The following EED variants were observed in gnomAD, a reference collection of about 807,000 sequenced individuals.
EED encodes polycomb protein EED.
In EED, 9 loss-of-function variants were observed where a neutral mutation model predicts 61.0. The ratio of observed to expected loss-of-function variants is 0.15; its 90% confidence interval spans 0.09 to 0.26. EED has a LOEUF of 0.26. Among genes scored for constraint, EED ranks in the 10% least tolerant of loss-of-function variants. The probability of loss-of-function intolerance (pLI) is 1.00; values close to 1 mark genes in which losing one functional copy is unlikely to be tolerated. For synonymous variants in EED, 187 were observed against 174.4 expected (o/e 1.07, Z -0.57); for missense variants, 315 against 542.3 (o/e 0.58, Z 4.16).
intron 1 of EED, 78 bp from the exon 2 acceptor site, chr11:86,250,218 C>A: frequency 7.8e-7 from 1 of 1,276,974 alleles, no homozygotes; most frequent in Non-Finnish European, 1.0e-6. Context: ...GGTCAGTCAG[C>A]ATCTTCCCAG....
the EED span, among the ~76,000 whole-genome samples, chr11:86,286,007 G>C: frequency 4.4e-4 from 66 of 151,420 alleles, no homozygotes; most frequent in African/African-American, 1.5e-3. Flanking sequence ...GTTCTTACCA[G>C]GGGAGTGGAA....
At chr11:86,276,493 G>T (rs1946233676) in intron 9 of EED, 1 of 152,158 alleles carries the variant, frequency 6.6e-6, no homozygotes, top group Admixed American at 6.6e-5. Flanking sequence ...ACTGGATGAA[G>T]GAATAATAGT....
the EED span, chr11:86,284,812 G>A: frequency 6.6e-6 from 1 of 152,304 alleles, no homozygotes; most frequent in East Asian, 1.9e-4. Flanking sequence ...AGTGCAAAAT[G>A]AAAAGGCAAA....
chr11:86,282,365 T>C (rs1400068410), downstream of EED, among the ~76,000 whole-genome samples: 1 of 152,244 alleles, frequency 6.6e-6, no homozygotes, highest in Admixed American at 6.5e-5. Flanking sequence ...ATTGTTTATA[T>C]GCTGCATTTT....
chr11:86,285,720 C>T, the EED span, among the ~76,000 whole-genome samples: 2 of 152,150 alleles, frequency 1.3e-5, no homozygotes, highest in African/African-American at 2.4e-5. Context: ...GCCTCAGCCT[C>T]CTGAGTAGCT....
In EED at chr11:86,244,892, A is replaced by C; in HGVS notation, c.-338A>C. The C allele has an allele frequency of 3.9e-6, 1 of 256,628 alleles. No homozygotes were observed. Among genetic ancestry groups the C allele is most frequent in the East Asian group, 6.0e-5 (1 of 16,770 alleles). 15.9% of individuals were successfully genotyped at this position (256,628 alleles called of 1,614,324 possible). A position where few individuals can be genotyped will look rare whatever the true frequency, so the allele number is the denominator to read the frequency against. ...GCCTCTTCTCGAGGCGGTGGTGGGA[A>C]GGGAGACATACTTAATACTGCCCTC... On this transcript the variant is annotated 5_prime_UTR_variant, in exon 1 of 12. Transcript: ENST00000263360.
At chr11:86,249,659 A>G (rs999679516) in intron 1 of EED, among the ~76,000 whole-genome samples, 5 of 140,456 alleles carry the variant, frequency 3.6e-5, no homozygotes, top group East Asian at 4.0e-4. Flanking sequence ...GTTCTGATTT[A>G]TGAGTATTAT....
chr11:86,281,890 C>A (rs1946328392), downstream of EED, among the ~76,000 whole-genome samples: 1 of 152,166 alleles, frequency 6.6e-6, no homozygotes, highest in Admixed American at 6.5e-5. Flanking sequence ...ATATTTCTTA[C>A]ACAGTGTCTT....
chr11:86,260,122 T>C (rs1028948268), intron 6 of EED, among the ~76,000 whole-genome samples: 12 of 152,254 alleles, frequency 7.9e-5, no homozygotes, highest in African/African-American at 2.9e-4. Flanking sequence ...TTCACATGTA[T>C]TACTACCTCT....
Position 86,264,229 on chromosome 11 carries a change from G to A in EED, c.692G>A (p.Gly231Asp). ...QTDTLVAIFG[G>D]VEGHRDEVLS... The stretch of plus-strand genomic sequence containing the variant: ...GACACTCTGGTGGCAATATTTGGAG[G>A]CGTAGAAGGGCACAGAGATGAAGTT... Residue 231 changes from glycine to aspartate, a missense_variant, in exon 7 of 12, where the codon GGC (glycine) becomes GAC (aspartate). Coordinates refer to ENST00000263360, the MANE Select transcript of EED (RefSeq NM_003797.5). The A allele has an allele frequency of 6.2e-7, 1 of 1,614,012 alleles. No individual in the cohort carries two copies. Among genetic ancestry groups the A allele is most frequent in the Non-Finnish European group, 8.5e-7 (1 of 1,179,972 alleles).
chr11:86,262,088 C>G (rs576749415), intron 6 of EED, among the ~76,000 whole-genome samples: 1 of 152,134 alleles, frequency 6.6e-6, no homozygotes, highest in African/African-American at 2.4e-5. Context: ...TGCTATGTTG[C>G]CCAGGCTGGT....
intron 9 of EED, among the ~76,000 whole-genome samples, chr11:86,269,820 C>T (rs1179065455): frequency 1.3e-5 from 2 of 152,098 alleles, no homozygotes; most frequent in Admixed American, 6.6e-5. Context: ...CAGGTTGTTG[C>T]CTGTATCAGT....
At chr11:86,265,995 G>A in intron 7 of EED, 88 bp from the exon 8 acceptor site, 1 of 1,157,394 alleles carries the variant, frequency 8.6e-7, no homozygotes, top group Non-Finnish European at 1.2e-6. Context: ...TTGAAATACA[G>A]TTTTCACTAT....
intron 7 of EED, chr11:86,265,187 C>T (rs1283148770): frequency 6.6e-6 from 1 of 152,124 alleles, no homozygotes; most frequent in Non-Finnish European, 1.5e-5. Flanking sequence ...AGAAGTACCA[C>T]AACTGTGAAT....
intron 6 of EED, among the ~76,000 whole-genome samples, chr11:86,263,272 T>C (rs1053554570): frequency 2.6e-4 from 39 of 152,340 alleles, no homozygotes; most frequent in Non-Finnish European, 3.4e-4. Context: ...CCTGAAGCTC[T>C]TGTCTTCTTT....
intron 9 of EED, among the ~76,000 whole-genome samples, chr11:86,271,816 T>C (rs1296610082): frequency 6.6e-6 from 1 of 151,808 alleles, no homozygotes; most frequent in African/African-American, 2.4e-5. Context: ...GATCCAGCCT[T>C]GGAACCCTGG....
the EED span, among the ~76,000 whole-genome samples, chr11:86,285,852 G>A: frequency 6.6e-6 from 1 of 152,102 alleles, no homozygotes; most frequent in Non-Finnish European, 1.5e-5. Flanking sequence ...ACCTGCCTCA[G>A]CCTCCCAAGG....
chr11:86,250,658 T>G (rs570493308), intron 2 of EED, among the ~76,000 whole-genome samples: 1 of 152,316 alleles, frequency 6.6e-6, no homozygotes, highest in East Asian at 1.9e-4. Context: ...TTTTGTTGTT[T>G]TAATTTAAAT....
intron 7 of EED, chr11:86,264,929 C>G (rs1234808809): frequency 6.6e-6 from 1 of 152,112 alleles, no homozygotes; most frequent in African/African-American, 2.4e-5. Flanking sequence ...AAAGGGGCAC[C>G]ATATTTTACA....
Sources: allele counts gnomAD v4.1 joint callset (sites outside exome capture counted in the v4.1 genomes callset), GRCh38; gene constraint gnomAD v4.1.1; transcripts MANE v1.5; gene names NCBI Gene and HGNC (gene_info 2026-07-23, HGNC 2026-07-21).